The following MAP3K11 variants were observed in gnomAD, a reference collection of about 807,000 sequenced individuals.
MAP3K11 encodes the protein mitogen-activated protein kinase kinase kinase 11.
In MAP3K11, 46 loss-of-function variants were observed where a neutral mutation model predicts 84.9. The observed-to-expected ratio is 0.54, with a 90% CI of 0.43 to 0.69. MAP3K11 has a LOEUF of 0.69. MAP3K11 is among the 30% of genes least tolerant of loss of function. MAP3K11 has a pLI of 0.00. For missense variants in MAP3K11, 1,053 were observed against 1,198.3 expected (o/e 0.88, Z 1.79); for synonymous variants, 527 against 514.7 (o/e 1.02, Z -0.32).
Position 65,608,732 on chromosome 11 carries a change from C to T in MAP3K11, c.740-284G>A. On this transcript the variant is annotated intron_variant, in intron 1 of 9. Transcript: ENST00000309100. ...TCCTGGGTTCAAGCGATTGTCCTGC[C>T]CCAGCCTCCCGAGTAGTGGGATTAT... The T allele has an allele frequency of 8.5e-6, 3 of 351,762 alleles. No homozygotes were observed. In the South Asian group the frequency reaches 9.8e-5, roughly 11 times the overall value. The allele number at this position is 351,762 out of a possible 1,614,324, so 21.8% of individuals were successfully genotyped here.
chr11:65,599,313 G>T (rs1854421485), intron 9 of MAP3K11, 81 bp downstream of exon 9: 2 of 1,438,756 alleles, frequency 1.4e-6, no homozygotes, highest in South Asian at 1.4e-5. Context: ...TTGCCTCCTT[G>T]CATGTCCCCA....
chr11:65,606,653 G>A (rs756400101), intron 6 of MAP3K11, 38 bp downstream of exon 6: 2 of 1,417,846 alleles, frequency 1.4e-6, no homozygotes, highest in African/African-American at 1.5e-5. Flanking sequence ...ATAAGGAGCT[G>A]GGGGGCGGAG....
At chr11:65,606,920 T>G in intron 5 of MAP3K11, 116 bp from the exon 6 acceptor site, 1 of 658,448 alleles carries the variant, frequency 1.5e-6, no homozygotes, top group Non-Finnish European at 2.6e-6. Context: ...GCACGATGGC[T>G]GTGAGACTGT....
At position 65,613,778 on chromosome 11, in the gene MAP3K11, T is replaced by C. The variant is rs1854614951; in HGVS notation, c.-22A>G. 2 of 1,523,818 alleles carry C rather than the reference T, an allele frequency of 1.3e-6. No individual in the cohort carries two copies. Among genetic ancestry groups the C allele is most frequent in the Non-Finnish European group, 1.8e-6 (2 of 1,139,652 alleles). 94.4% of individuals were successfully genotyped at this position (1,523,818 alleles called of 1,614,324 possible). A position where few individuals can be genotyped will look rare whatever the true frequency, so the allele number is the denominator to read the frequency against. On this transcript the variant is annotated 5_prime_UTR_variant, in exon 1 of 10. Coordinates refer to ENST00000309100, the MANE Select transcript of MAP3K11 (RefSeq NM_002419.4). ...CCATGGCCGGGAGCCGGCGCTGGGA[T>C]GTGTGGAGGACCTTCTCTGGGTGCC...
At chr11:65,600,897 A>G (rs1001953736) in intron 8 of MAP3K11, among the ~76,000 whole-genome samples, 2 of 152,192 alleles carry the variant, frequency 1.3e-5, no homozygotes, top group African/African-American at 4.8e-5. Flanking sequence ...ATGAACCAGG[A>G]CTTAGCTCAC....
At position 65,613,665 on chromosome 11, in the gene MAP3K11, C is replaced by T. The variant is rs147496400; in HGVS notation, c.92G>A (p.Arg31Gln). 1.4e-5 allele frequency: 22 copies of T among 1,612,462 alleles called. No individual in the cohort carries two copies. The Admixed American group carries it at 1.8e-4, about 13-fold the overall frequency. ...SGGGGGGGGG[R>Q]PEGSPKAAGY... is the part of the protein sequence containing the mutation. Reference sequence around the variant, plus strand: ...CGCTGCCTTTGGAGACCCCTCAGGCCGGCCTCCTCCACCGCCCCCACCACC... The same window carrying T: ...CGCTGCCTTTGGAGACCCCTCAGGCTGGCCTCCTCCACCGCCCCCACCACC... The change falls in exon 1 of 10, where the codon CGG becomes CAG. Residue 31 changes from arginine to glutamine, a missense_variant. This residue lies in a region of MAP3K11 where 160 missense variants were observed against 167.3 expected (regional missense o/e 0.96). Coordinates refer to ENST00000309100, the MANE Select transcript of MAP3K11 (RefSeq NM_002419.4).
chr11:65,600,432 T>C (rs989195536), intron 8 of MAP3K11, among the ~76,000 whole-genome samples: 7 of 152,088 alleles, frequency 4.6e-5, no homozygotes, highest in African/African-American at 1.7e-4. Context: ...GCCCCAGGGG[T>C]TCCAGGCTCA....
Position 65,605,908 on chromosome 11 carries a change from C to T in MAP3K11, c.1739+38G>A, listed in dbSNP as rs369918473. Reference sequence around the variant, plus strand: ...TAGGAATTTCAGGACTTGGGGAAAGCAAATGATGCTGGGTCTGGGGGGCAC... The same window carrying T: ...TAGGAATTTCAGGACTTGGGGAAAGTAAATGATGCTGGGTCTGGGGGGCAC... On this transcript the variant is annotated intron_variant, in intron 7 of 9. Transcript: ENST00000309100. The T allele has an allele frequency of 8.9e-5, 143 of 1,610,788 alleles. No individual in the cohort carries two copies. The African/African-American group carries it at 1.8e-3, about 20-fold the overall frequency.
At chr11:65,606,644 T>C (rs1854510999) in intron 6 of MAP3K11, 47 bp downstream of exon 6, 2 of 1,369,212 alleles carry the variant, frequency 1.5e-6, no homozygotes, top group Non-Finnish European at 2.0e-6. Context: ...TGACAGAGAA[T>C]AAGGAGCTGG....
intron 1 of MAP3K11, chr11:65,611,957 C>G (rs1854574884): frequency 6.6e-6 from 1 of 152,258 alleles, no homozygotes; most frequent in Admixed American, 6.5e-5. Context: ...CTGGCAAGAA[C>G]TTGGATATCT....
At chr11:65,606,273 T>C (rs1854506832) in intron 6 of MAP3K11, 192 bp from the exon 7 acceptor site, 1 of 553,222 alleles carries the variant, frequency 1.8e-6, no homozygotes, top group African/African-American at 2.0e-5. Context: ...ATCTAGCCCT[T>C]GGGCTGAAGT....
chr11:65,607,925 C>G lies in MAP3K11; in HGVS notation c.1066G>C (p.Ala356Pro). 1 of 1,613,934 alleles carries G rather than the reference C, an allele frequency of 6.2e-7. No homozygotes were observed. The highest frequency in any genetic ancestry group is 8.5e-7 in the Non-Finnish European group (1 of 1,179,922). ...CCTGCCCTCCCCGTCCTCTTACCGG[C>G]CATAAGCTGTGCGAAGGGCTCGGGG... The part of the protein sequence containing the change: ...TCPEPFAQLM[A>P]DCWAQDPHRR... The change falls in exon 3 of 10, where the codon GCC becomes CCC. Residue 356 changes from alanine (A) to proline (P), a missense_variant. Around this residue, in one of 3 missense-constraint regions of MAP3K11, gnomAD observed 310 missense variants for 464.5 expected, o/e 0.67. Coordinates refer to ENST00000309100, the MANE Select transcript of MAP3K11 (RefSeq NM_002419.4).
chr11:65,607,097 G>T, intron 5 of MAP3K11, 173 bp downstream of exon 5: 3 of 955,804 alleles, frequency 3.1e-6, no homozygotes, highest in Non-Finnish European at 4.3e-6. Context: ...ACTTCCGCCA[G>T]AACCCGCCCA....
At chr11:65,601,930 G>A (rs1229263150) in intron 8 of MAP3K11, among the ~76,000 whole-genome samples, 1 of 151,944 alleles carries the variant, frequency 6.6e-6, no homozygotes, top group Non-Finnish European at 1.5e-5. Context: ...TTGGCCGGGT[G>A]CGGTGGCTCA....
rs754984608 is a variant in MAP3K11, at chr11:65,607,836, C to T, written c.1070-20G>A. 6.8e-6 allele frequency: 11 copies of T among 1,607,406 alleles called. No homozygotes were observed. The Admixed American group carries it at 1.3e-4, about 20-fold the overall frequency. The stretch of plus-strand genomic sequence containing the variant: ...AGCAGTCTAGGGGCACGGCGTGCAG[C>T]GGGGACAGAATAAGAAGGGGTCCGT... On this transcript the variant is annotated intron_variant, in intron 3 of 9. Transcript: ENST00000309100.
At chr11:65,603,356 G>A (rs1488012869) in intron 8 of MAP3K11, among the ~76,000 whole-genome samples, 2 of 152,260 alleles carry the variant, frequency 1.3e-5, no homozygotes, top group South Asian at 2.1e-4. Flanking sequence ...AGATAGAGGC[G>A]AAACTGCTTC....
intron 8 of MAP3K11, among the ~76,000 whole-genome samples, chr11:65,600,690 T>C (rs1159711839): frequency 6.6e-6 from 1 of 152,156 alleles, no homozygotes; most frequent in Non-Finnish European, 1.5e-5. Flanking sequence ...CAAGCCCTGA[T>C]TTTGTCAGAT....
chr11:65,611,582 G>C (rs571799375), intron 1 of MAP3K11: 483 of 152,444 alleles, frequency 3.2e-3, no homozygotes, highest in Non-Finnish European at 5.3e-3. Context: ...CCTTCCTCCC[G>C]CAAGTCCTCC....
In MAP3K11 at chr11:65,604,563, C is replaced by G. The variant is rs192588436; in HGVS notation, c.1831+1198G>C. 2.3e-3 allele frequency among the ~76,000 whole-genome samples: 356 copies of G among 152,370 alleles called. 1 individual carries two copies. In the Middle Eastern group the frequency reaches 0.027, roughly 12 times the overall value. ...CCCTGCTCTACTGGTTGCCTTACAT[C>G]AAACCACTTAATCTCTCTGTGCCTC... On this transcript the variant is annotated intron_variant, in intron 8 of 9. Coordinates refer to ENST00000309100, the MANE Select transcript of MAP3K11 (RefSeq NM_002419.4).
Sources: allele counts gnomAD v4.1 joint callset (sites outside exome capture counted in the v4.1 genomes callset), GRCh38; gene constraint gnomAD v4.1.1; regional missense constraint gnomAD v4.1.1; transcripts MANE v1.5; gene names NCBI Gene and HGNC (gene_info 2026-07-23, HGNC 2026-07-21).